Variants in ZNF469 observed in about 807,000 individuals in gnomAD.
ZNF469 encodes zinc finger protein 469.
A neutral mutation model predicts 1.0 loss-of-function variants in ZNF469; 1 was observed. The observed-to-expected ratio is 1.00, with a 90% CI of 0.35 to 4.73. The LOEUF (loss-of-function observed/expected upper bound fraction) is 4.73. Among genes scored for constraint, ZNF469 ranks in the 30% most tolerant of loss-of-function variants. The pLI is 0.16. For synonymous variants in ZNF469, 2,703 were observed against 2,363.4 expected, an observed-to-expected ratio of 1.14 and a Z score of -4.17; for missense variants, 6,100 against 5,356.3, an observed-to-expected ratio of 1.14 and a Z score of -4.33.
chr16:88,438,122 C>T lies in ZNF469; in HGVS notation c.10652C>T (p.Pro3551Leu), dbSNP rs1249287898. The change falls in exon 3 of 3, where the codon CCC (proline) becomes CTC (leucine). Residue 3551 changes from proline to leucine, a missense_variant. Coordinates refer to ENST00000565624, the MANE Select transcript of ZNF469 (RefSeq NM_001367624.2). ...CTGCCATCCAACCACCAGGAGTGTC[C>T]CCCGCCGTCTCTGTCTCCCTTCCCA... ...CELPSNHQEC[P>L]PPSLSPFPAA... The T allele has an allele frequency of 6.5e-7, 1 of 1,550,362 alleles. No homozygotes were observed. The highest frequency in any genetic ancestry group is 1.2e-5 in the South Asian group (1 of 84,056).
At chr16:88,350,923 A>T in the ZNF469 span, among the ~76,000 whole-genome samples, 1 of 152,232 alleles carries the variant, frequency 6.6e-6, no homozygotes, top group Admixed American at 6.5e-5. Flanking sequence ...ATGTTCGTGG[A>T]AGCAGTGAGA....
At chr16:88,110,600 A>C in the ZNF469 span, among the ~76,000 whole-genome samples, 1 of 152,214 alleles carries the variant, frequency 6.6e-6, no homozygotes, top group Non-Finnish European at 1.5e-5. Context: ...CTCAGTGTGA[A>C]CTGTATCGGA....
At chr16:88,183,571 G>A in the ZNF469 span, among the ~76,000 whole-genome samples, 2 of 152,190 alleles carry the variant, frequency 1.3e-5, no homozygotes, top group Admixed American at 6.5e-5. Flanking sequence ...CAATTCTGGA[G>A]GACGCAAAGC....
chr16:88,247,567 A>G, the ZNF469 span, among the ~76,000 whole-genome samples: 1 of 151,492 alleles, frequency 6.6e-6, no homozygotes, highest in Non-Finnish European at 1.5e-5. Context: ...TGACTGAGTG[A>G]GTGACTGAGT....
At chr16:88,410,495 T>C (rs2142282593) in intron 1 of ZNF469, among the ~76,000 whole-genome samples, 1 of 141,774 alleles carries the variant, frequency 7.1e-6, no homozygotes, top group East Asian at 2.1e-4. Context: ...TATGATGCCG[T>C]TGATGGTGCA....
chr16:88,401,921 T>G (rs1904886057), intron 1 of ZNF469, among the ~76,000 whole-genome samples: 1 of 136,094 alleles, frequency 7.3e-6, no homozygotes, highest in Admixed American at 7.1e-5. Flanking sequence ...GATGGATGGA[T>G]GGATGGATGG....
chr16:88,202,505 G>A, the ZNF469 span, among the ~76,000 whole-genome samples: 1 of 152,158 alleles, frequency 6.6e-6, no homozygotes, highest in Non-Finnish European at 1.5e-5. Flanking sequence ...AGGTGTCTGC[G>A]GCACCTGTCT....
the ZNF469 span, among the ~76,000 whole-genome samples, chr16:88,324,825 A>C: frequency 6.6e-6 from 1 of 152,176 alleles, no homozygotes; most frequent in African/African-American, 2.4e-5. Flanking sequence ...AGCTGGAGGA[A>C]GCTGTGTTAG....
upstream of ZNF469, among the ~76,000 whole-genome samples, chr16:88,382,952 G>T (rs1412429720): frequency 6.6e-6 from 1 of 151,666 alleles, no homozygotes; most frequent in South Asian, 2.1e-4. Context: ...CCCAGCCTCC[G>T]GGGGGCAGAC....
chr16:88,378,116 G>A (rs549046770), upstream of ZNF469, among the ~76,000 whole-genome samples: 22 of 152,206 alleles, frequency 1.4e-4, no homozygotes, highest in Middle Eastern at 3.4e-3. Context: ...TGGTGAGGCC[G>A]CAGCACCGTA....
At chr16:88,209,899 T>C in the ZNF469 span, among the ~76,000 whole-genome samples, 5 of 152,250 alleles carry the variant, frequency 3.3e-5, no homozygotes, top group Non-Finnish European at 7.3e-5. Flanking sequence ...TCTAATGCAT[T>C]TTCATACTGT....
At chr16:88,187,984 T>C in the ZNF469 span, among the ~76,000 whole-genome samples, 3 of 152,046 alleles carry the variant, frequency 2.0e-5, no homozygotes, top group Non-Finnish European at 4.4e-5. Flanking sequence ...TCCCGGGCCC[T>C]GTCTTTCACA....
chr16:88,160,529 A>G, the ZNF469 span, among the ~76,000 whole-genome samples: 8 of 152,240 alleles, frequency 5.3e-5, no homozygotes, highest in Admixed American at 4.6e-4. Flanking sequence ...TGCGGGAGGC[A>G]TGTGGGCCGT....
chr16:88,284,396 A>G, the ZNF469 span, among the ~76,000 whole-genome samples: 1 of 152,296 alleles, frequency 6.6e-6, no homozygotes, highest in Middle Eastern at 3.4e-3. Flanking sequence ...AAGAAGAATG[A>G]CTTGAGCCCA....
the ZNF469 span, among the ~76,000 whole-genome samples, chr16:88,127,658 G>A: frequency 0.18 from 26,644 of 152,106 alleles, 2,980 homozygotes; most frequent in African/African-American, 0.32. Flanking sequence ...AGGGCCTGGG[G>A]CTGCCCTGTC....
chr16:88,338,374 C>T, the ZNF469 span, among the ~76,000 whole-genome samples: 1 of 152,338 alleles, frequency 6.6e-6, no homozygotes, highest in Non-Finnish European at 1.5e-5. Context: ...ACCCTGCAGG[C>T]CACCCCCGGC....
At chr16:88,131,965 A>G in the ZNF469 span, among the ~76,000 whole-genome samples, 1 of 152,152 alleles carries the variant, frequency 6.6e-6, no homozygotes, top group African/African-American at 2.4e-5. Context: ...CGGCCCGCGC[A>G]TCTCCGGGGC....
rs755348435 is a variant in ZNF469 at position 88,430,922 on chromosome 16, C to T, written c.3452C>T (p.Ala1151Val). Residue 1151 changes from alanine to valine, a missense_variant, in exon 3 of 3, where the codon GCC (alanine) becomes GTC (valine). Coordinates refer to ENST00000565624, the MANE Select transcript of ZNF469 (RefSeq NM_001367624.2). ...AGGCAGGAAGCCGGCGGGGACGGAG[C>T]CCCCGCGAACCCCGAGGAGCCGGGC... The part of the protein sequence containing the change: ...AARQEAGGDG[A>V]PANPEEPGGS... 2.9e-5 allele frequency: 44 copies of T among 1,535,818 alleles called. No homozygotes were observed. In the Admixed American group the frequency reaches 3.6e-4, roughly 12 times the overall value.
rs147233871 is a variant in ZNF469, at chr16:88,387,647, C to T, written c.-192+4393C>T. On this transcript the variant is annotated intron_variant, in intron 1 of 2. Transcript: ENST00000565624. ...CACACTGTTGCTGAAAGGGAGCTGGCCTTGGGGAGGAGAATTCCAAATATA... is the reference window on the plus strand; with the variant it reads ...CACACTGTTGCTGAAAGGGAGCTGGTCTTGGGGAGGAGAATTCCAAATATA... Among the ~76,000 whole-genome samples, 77 of 152,238 alleles carry T rather than the reference C, an allele frequency of 5.1e-4. 1 individual carries two copies. The highest frequency in any genetic ancestry group is 1.8e-3 in the Admixed American group (28 of 15,302).
Sources: gnomAD v4.1 joint callset for allele counts (sites outside exome capture counted in the v4.1 genomes callset) on GRCh38, gnomAD v4.1.1 for gene constraint, MANE v1.5 for transcripts, NCBI Gene and HGNC (gene_info 2026-07-23, HGNC 2026-07-21) for gene names.